TRIM71: variants seen among roughly 807,000 people sequenced by gnomAD.
The protein encoded by TRIM71 is E3 ubiquitin-protein ligase TRIM71.
A neutral mutation model predicts 61.2 loss-of-function variants in TRIM71; 9 were observed. The ratio of observed to expected loss-of-function variants is 0.15; its 90% CI spans 0.09 to 0.26. The LOEUF (loss-of-function observed/expected upper bound fraction) is 0.26. TRIM71 is among the 10% of genes least tolerant of loss of function. TRIM71 has a pLI of 1.00. For synonymous variants in TRIM71, 645 were observed against 553.2 expected (o/e 1.17, Z -2.33); for missense variants, 998 against 1,238.7 (o/e 0.81, Z 2.92).
intron 3 of TRIM71, among the ~76,000 whole-genome samples, chr3:32,887,693 A>C (rs1696976482): frequency 6.6e-6 from 1 of 151,974 alleles, no homozygotes; most frequent in African/African-American, 2.4e-5. Context: ...GGACTTGGCT[A>C]CCTCATGGGG....
Position 32,892,797 on chromosome 3 carries a change from C to T in TRIM71, c.*986C>T, listed in dbSNP as rs1266264595. 6.6e-6 allele frequency: 1 copy of T among 152,146 alleles called. No individual in the cohort carries two copies. Among genetic ancestry groups the T allele is most frequent in the African/African-American group, 2.4e-5 (1 of 41,432 alleles). 9.4% of individuals were successfully genotyped at this position (152,146 alleles called of 1,614,324 possible). On this transcript the variant is annotated 3_prime_UTR_variant, in exon 4 of 4. Transcript: ENST00000383763. ...ATGGAAGGAAAAAGGAAATTAACCT[C>T]GTTCTCAGAGAGAGGGTTTTCAGGC...
At chr3:32,829,690 A>G (rs1327946255) in intron 1 of TRIM71, among the ~76,000 whole-genome samples, 1 of 151,136 alleles carries the variant, frequency 6.6e-6, no homozygotes, top group East Asian at 2.0e-4. Flanking sequence ...AGGCATCTGA[A>G]GAGGAATCAA....
intron 1 of TRIM71, among the ~76,000 whole-genome samples, chr3:32,870,425 T>G (rs1181685382): frequency 1.3e-5 from 2 of 152,118 alleles, no homozygotes; most frequent in Non-Finnish European, 2.9e-5. Context: ...CTGGCTCTTC[T>G]GAAACCACAG....
chr3:32,862,464 A>G (rs1217758809), intron 1 of TRIM71, among the ~76,000 whole-genome samples: 1 of 152,192 alleles, frequency 6.6e-6, no homozygotes. Flanking sequence ...AGGAACTGAA[A>G]GGGTTTCAGG....
At chr3:32,858,459 C>T (rs905131567) in intron 1 of TRIM71, among the ~76,000 whole-genome samples, 1 of 152,164 alleles carries the variant, frequency 6.6e-6, no homozygotes, top group Non-Finnish European at 1.5e-5. Context: ...GACTATGAGG[C>T]CAGGATACTG....
chr3:32,857,945 TGGGTGATAGAGTGAGACTCAGTCTCG>T (rs1696623714), intron 1 of TRIM71, among the ~76,000 whole-genome samples: 1 of 151,770 alleles, frequency 6.6e-6, no homozygotes, highest in African/African-American at 2.4e-5. Flanking sequence ...CACTCTAGCC[TGGGTGATAGAGTGAGACTCAGTCTCG>T]GGGTGAGGGG....
intron 2 of TRIM71, 87 bp downstream of exon 2, chr3:32,874,072 C>G: frequency 1.3e-5 from 19 of 1,413,478 alleles, no homozygotes; most frequent in Non-Finnish European, 1.8e-5. Context: ...TGGGCAGATT[C>G]CAGTGTGGGG....
At chr3:32,855,053 A>G (rs1182580772) in intron 1 of TRIM71, among the ~76,000 whole-genome samples, 1 of 152,080 alleles carries the variant, frequency 6.6e-6, no homozygotes, top group East Asian at 1.9e-4. Context: ...GGTTGTTGTT[A>G]CTCTTCTTAC....
chr3:32,889,996 T>C (rs1697006941), intron 3 of TRIM71, among the ~76,000 whole-genome samples: 1 of 152,156 alleles, frequency 6.6e-6, no homozygotes, highest in South Asian at 2.1e-4. Context: ...CACATTACAA[T>C]TACAGAAATC....
intron 1 of TRIM71, among the ~76,000 whole-genome samples, chr3:32,850,760 G>T (rs1696529650): frequency 1.3e-5 from 2 of 152,160 alleles, no homozygotes. Flanking sequence ...GTTAGTGAGG[G>T]TTTTGTAGGG....
At chr3:32,828,187 G>A (rs77705396) in intron 1 of TRIM71, among the ~76,000 whole-genome samples, 1,773 of 152,120 alleles carry the variant, frequency 0.012, 37 homozygotes, top group East Asian at 0.1. Context: ...CAGTGTCAAA[G>A]GGAGATATTT....
intron 1 of TRIM71, among the ~76,000 whole-genome samples, chr3:32,855,459 T>C (rs1298972419): frequency 6.6e-6 from 1 of 150,858 alleles, no homozygotes; most frequent in Non-Finnish European, 1.5e-5. Context: ...CCCCCAGGAG[T>C]GAAGTGGGGG....
intron 1 of TRIM71, among the ~76,000 whole-genome samples, chr3:32,846,668 C>T (rs1356724652): frequency 6.8e-6 from 1 of 148,128 alleles, no homozygotes; most frequent in Non-Finnish European, 1.5e-5. Context: ...CTGTCCCCAG[C>T]CCCCCGCTCC....
chr3:32,886,184 C>A, intron 3 of TRIM71, 116 bp downstream of exon 3: 1 of 1,304,478 alleles, frequency 7.7e-7, no homozygotes, highest in Non-Finnish European at 1.0e-6. Flanking sequence ...TAAAACACTT[C>A]GTAATTTTCC....
chr3:32,819,189 C>T (rs554398989), intron 1 of TRIM71, among the ~76,000 whole-genome samples: 6 of 152,196 alleles, frequency 3.9e-5, no homozygotes, highest in African/African-American at 1.4e-4. Context: ...ATTTTAATTT[C>T]TGTGTGGCAA....
At chr3:32,827,638 G>A (rs1346460051) in intron 1 of TRIM71, among the ~76,000 whole-genome samples, 1 of 152,144 alleles carries the variant, frequency 6.6e-6, no homozygotes, top group Non-Finnish European at 1.5e-5. Context: ...ACATTAATAG[G>A]TTTTAAAGCA....
rs1482072972 is a variant in TRIM71, at chr3:32,891,866, CTCTCTCTTTCTCTT to C, written c.*63_*76del. ...TGTGTGTGCGTGTCTCTCTCTCTCT[CTCTCTCTTTCTCTT>C]TCTCTCTCTTTTTGAATTTCAAAGA... On this transcript the variant is annotated 3_prime_UTR_variant, in exon 4 of 4. Coordinates refer to ENST00000383763, the MANE Select transcript of TRIM71 (RefSeq NM_001039111.3). The surrounding 1 kb of genome is among the most constrained non-coding windows in gnomAD (Gnocchi z 8.2). The C allele has an allele frequency of 3.9e-6, 6 of 1,556,286 alleles. No homozygotes were observed. In the East Asian group the frequency reaches 1.2e-4, roughly 30 times the overall value.
intron 3 of TRIM71, among the ~76,000 whole-genome samples, chr3:32,889,371 AGG>A (rs1310041887): frequency 2.0e-5 from 3 of 152,056 alleles, no homozygotes; most frequent in Non-Finnish European, 2.9e-5. Flanking sequence ...TCAGCCTCCT[AGG>A]CTCAAGTGAT....
At chr3:32,835,323 C>T (rs1696322789) in intron 1 of TRIM71, among the ~76,000 whole-genome samples, 2 of 152,174 alleles carry the variant, frequency 1.3e-5, no homozygotes, top group South Asian at 4.1e-4. Context: ...AATTTCTTGA[C>T]TTTACACCTA....
Sources: allele counts gnomAD v4.1 joint callset (sites outside exome capture counted in the v4.1 genomes callset), GRCh38; gene constraint gnomAD v4.1.1; non-coding constraint Gnocchi (gnomAD v3.1); transcripts MANE v1.5; gene names NCBI Gene and HGNC (gene_info 2026-07-23, HGNC 2026-07-21).